The following GRK1 variants were observed in gnomAD, a reference collection of about 807,000 sequenced individuals.
GRK1 encodes rhodopsin kinase GRK1.
In GRK1, 28 loss-of-function variants were observed where a neutral mutation model predicts 41.7. The ratio of observed to expected loss-of-function variants is 0.67; its 90% CI spans 0.50 to 0.92. GRK1 has a LOEUF of 0.92. GRK1 is among the 40% of genes least tolerant of loss of function. The pLI is 0.00. For synonymous variants in GRK1, 327 were observed against 286.7 expected (o/e 1.14, Z -1.42); for missense variants, 703 against 671.2 (o/e 1.05, Z -0.52).
At chr13:113,727,077 G>T (rs1057043965) in intron 4 of GRK1, among the ~76,000 whole-genome samples, 1 of 152,248 alleles carries the variant, frequency 6.6e-6, no homozygotes, top group African/African-American at 2.4e-5. Context: ...CCGCCACTGT[G>T]TGCCGGGTTG....
chr13:113,669,934 A>G lies in GRK1; in HGVS notation c.827+120A>G, dbSNP rs572416786. 3.3e-6 allele frequency: 4 copies of G among 1,194,130 alleles called. No homozygotes were observed. The African/African-American group carries it at 4.6e-5, about 14-fold the overall frequency. The allele number at this position is 1,194,130 out of a possible 1,614,324, so 74.0% of individuals were successfully genotyped here. ...TGGCCCCAGGCCTGCCCTCGAGGGA[A>G]GCCTTGCACCCATCACAATCCCCTT... On this transcript the variant is annotated intron_variant, in intron 2 of 6. Transcript: ENST00000335678.
chr13:113,664,470 A>G (rs1027212482), upstream of GRK1, among the ~76,000 whole-genome samples: 5 of 151,434 alleles, frequency 3.3e-5, no homozygotes, highest in African/African-American at 1.2e-4. This position sits in a 1 kb window ranked among gnomAD's most constrained non-coding sequence, Gnocchi z 5.4. Context: ...TTGGGAAACG[A>G]CATACTTTAC....
In GRK1 at chr13:113,731,541, C is replaced by T; in HGVS notation, c.1194+198C>T. On this transcript the variant is annotated intron_variant, in intron 5 of 6. Coordinates refer to ENST00000335678, the MANE Select transcript of GRK1 (RefSeq NM_002929.3). The surrounding 1 kb of genome is among the most constrained non-coding windows in gnomAD (Gnocchi z 5.6). ...CTGTCTCAGTGGGTGACGCCCCCAG[C>T]CCCTGAGGCCTGCAGGTGGAGGGGC... The T allele has an allele frequency of 6.1e-6, 2 of 330,010 alleles. No individual in the cohort carries two copies. Among genetic ancestry groups the T allele is most frequent in the Non-Finnish European group, 4.3e-6 (1 of 230,848 alleles). The allele number at this position is 330,010 out of a possible 1,614,324, so 20.4% of individuals were successfully genotyped here. A position where few individuals can be genotyped will look rare whatever the true frequency, so the allele number is the denominator to read the frequency against.
chr13:113,648,927 TA>T, the GRK1 span: 1 of 152,896 alleles, frequency 6.5e-6, no homozygotes, highest in South Asian at 2.1e-4. Flanking sequence ...ATTGCAATTT[TA>T]AAAGCAAGAA....
the GRK1 span, chr13:113,649,168 G>T: frequency 8.4e-6 from 4 of 477,090 alleles, no homozygotes; most frequent in Non-Finnish European, 1.4e-5. This position sits in a 1 kb window ranked among gnomAD's most constrained non-coding sequence, Gnocchi z 4.7. Context: ...TCTAAAAACT[G>T]TAAGAATTCA....
At chr13:113,667,097 T>A (rs1001059354), upstream of GRK1, 1 of 331,436 alleles carries the variant, frequency 3.0e-6, no homozygotes, top group Non-Finnish European at 5.5e-6. This position sits in a 1 kb window ranked among gnomAD's most constrained non-coding sequence, Gnocchi z 7.5. Flanking sequence ...TCTAATCGGA[T>A]TCCAAGCAGC....
intron 2 of GRK1, among the ~76,000 whole-genome samples, chr13:113,670,918 CT>C (rs2049852843): frequency 6.6e-6 from 1 of 152,180 alleles, no homozygotes; most frequent in Non-Finnish European, 1.5e-5. Flanking sequence ...CCTGGTGGCT[CT>C]GGCCGCCTTG....
At chr13:113,649,197 T>G in the GRK1 span, 1 of 592,076 alleles carries the variant, frequency 1.7e-6, no homozygotes, top group Admixed American at 3.7e-5. The surrounding 1 kb of genome is among the most constrained non-coding windows in gnomAD (Gnocchi z 4.7). Context: ...GAACTGATAC[T>G]CGCGAGCAGG....
intron 4 of GRK1, among the ~76,000 whole-genome samples, chr13:113,727,084 G>A (rs1021340881): frequency 2.6e-5 from 4 of 152,256 alleles, no homozygotes; most frequent in Admixed American, 2.6e-4. Context: ...TGTGTGCCGG[G>A]TTGGCCTCAC....
intron 6 of GRK1, 61 bp downstream of exon 6, chr13:113,733,146 G>A (rs2140733528): frequency 6.8e-7 from 1 of 1,462,564 alleles, no homozygotes; most frequent in Non-Finnish European, 9.1e-7. Context: ...GCCCTTGGGT[G>A]TCCGCCCGGT....
the GRK1 span, chr13:113,649,408 C>T: frequency 6.3e-7 from 1 of 1,593,588 alleles, no homozygotes; most frequent in South Asian, 1.1e-5. This position sits in a 1 kb window ranked among gnomAD's most constrained non-coding sequence, Gnocchi z 4.7. Flanking sequence ...CTCCACTTTC[C>T]CTTCATACGG....
chr13:113,653,549 C>T, the GRK1 span: 89 of 793,666 alleles, frequency 1.1e-4, no homozygotes, highest in African/African-American at 1.2e-3. Flanking sequence ...GGAGCCTCCT[C>T]GGAGTAAACT....
chr13:113,730,236 T>C (rs371632339), intron 4 of GRK1, among the ~76,000 whole-genome samples: 546 of 53,036 alleles, frequency 0.01, 22 homozygotes, highest in East Asian at 0.032. Flanking sequence ...CCAGTCCCCG[T>C]GGCTGAGCCC....
intron 4 of GRK1, among the ~76,000 whole-genome samples, chr13:113,730,484 C>T (rs551998065): frequency 1.6e-4 from 24 of 151,368 alleles, no homozygotes; most frequent in Non-Finnish European, 2.5e-4. Context: ...CCAGAGCCGT[C>T]CCTCCATCCC....
At chr13:113,668,975 G>A (rs1033167545) in intron 1 of GRK1, among the ~76,000 whole-genome samples, 1 of 152,270 alleles carries the variant, frequency 6.6e-6, no homozygotes, top group Admixed American at 6.5e-5. Flanking sequence ...AACTCGGGGC[G>A]AGTAACTATG....
intron 4 of GRK1, among the ~76,000 whole-genome samples, chr13:113,728,267 C>G (rs866672703): frequency 1.1e-5 from 1 of 94,596 alleles, no homozygotes; most frequent in African/African-American, 6.9e-5. Flanking sequence ...GTACCCATGG[C>G]GATGAGGAGT....
In GRK1 at chr13:113,667,473, C is replaced by T; in HGVS notation, c.87C>T (p.Pro29=). 2 of 1,610,904 alleles carry T rather than the reference C, an allele frequency of 1.2e-6. No individual in the cohort carries two copies. The highest frequency in any genetic ancestry group is 2.2e-5 in the East Asian group (1 of 44,786). ...GCTTTGACGGCAGCAGCTCCCAACC[C>T]TCCCGGGACAAGAAGTACCTGGCCA... ...RGSFDGSSSQ[P]SRDKKYLAKL... is the part of the protein sequence containing the mutation. The change falls in exon 1 of 7, where the codon CCC becomes CCT. Residue 29 remains proline, a synonymous_variant. Coordinates refer to ENST00000335678, the MANE Select transcript of GRK1 (RefSeq NM_002929.3). This position sits in a 1 kb window ranked among gnomAD's most constrained non-coding sequence, Gnocchi z 7.5.
chr13:113,654,969 TACC>T, the GRK1 span: 26 of 1,612,960 alleles, frequency 1.6e-5, no homozygotes, highest in Non-Finnish European at 2.0e-5. Flanking sequence ...GCACAAAATT[TACC>T]ACGTCAGCCA....
At chr13:113,732,139 G>C (rs1332374139) in intron 5 of GRK1, among the ~76,000 whole-genome samples, 1 of 152,220 alleles carries the variant, frequency 6.6e-6, no homozygotes, top group Admixed American at 6.5e-5. Flanking sequence ...TGGACGGAGG[G>C]GGTGGCCGCA....
Sources: gnomAD v4.1 joint callset for allele counts (sites outside exome capture counted in the v4.1 genomes callset) on GRCh38, gnomAD v4.1.1 for gene constraint, Gnocchi (gnomAD v3.1) non-coding constraint, MANE v1.5 for transcripts, NCBI Gene and HGNC (gene_info 2026-07-23, HGNC 2026-07-21) for gene names.